MCF2L2: variants seen among roughly 807,000 people sequenced by gnomAD.
MCF2L2 encodes probable guanine nucleotide exchange factor MCF2L2.
MCF2L2 carries 102 observed loss-of-function variants against 150.2 expected under a neutral mutation model. That is an observed-to-expected ratio of 0.68 (90% CI 0.58 to 0.80). The LOEUF (loss-of-function observed/expected upper bound fraction) is 0.80. MCF2L2 is among the 30% of genes least tolerant of loss of function. The pLI, the probability that MCF2L2 is intolerant of heterozygous loss-of-function variation, is 0.00. For synonymous variants in MCF2L2, 465 were observed against 491.3 expected (o/e 0.95, Z 0.71); for missense variants, 1,256 against 1,372.8 (o/e 0.91, Z 1.34).
chr3:183,294,595 GTGTA>G (rs1728365329), intron 13 of MCF2L2, among the ~76,000 whole-genome samples: 1 of 144,414 alleles, frequency 6.9e-6, no homozygotes, highest in Admixed American at 7.1e-5. Context: ...ATACATATAT[GTGTA>G]TGTGTGTGTG....
At chr3:183,304,359 C>A (rs1171309622) in intron 10 of MCF2L2, among the ~76,000 whole-genome samples, 2 of 151,930 alleles carry the variant, frequency 1.3e-5, no homozygotes, top group Non-Finnish European at 1.5e-5. Context: ...GTTAAAAGGA[C>A]TGAGGCAAAA....
Position 183,251,490 on chromosome 3 carries a change from T to G in MCF2L2, c.1863-20473A>C, listed in dbSNP as rs562402905. Among the ~76,000 whole-genome samples, 3 of 152,294 alleles carry G rather than the reference T, an allele frequency of 2.0e-5. No homozygotes were observed. The South Asian group carries it at 6.2e-4, about 32-fold the overall frequency. On this transcript the variant is annotated intron_variant, in intron 15 of 29. Coordinates refer to ENST00000328913, the MANE Select transcript of MCF2L2 (RefSeq NM_015078.4). Reference sequence around the variant, plus strand: ...GCTCTTTCTGTGCCTTATCTATCCCTGCCGAGTCTAACATGCAGATTTTGG... The same window carrying G: ...GCTCTTTCTGTGCCTTATCTATCCCGGCCGAGTCTAACATGCAGATTTTGG...
At chr3:183,258,824 A>C (rs1725320399) in intron 15 of MCF2L2, among the ~76,000 whole-genome samples, 1 of 152,172 alleles carries the variant, frequency 6.6e-6, no homozygotes, top group Admixed American at 6.5e-5. Flanking sequence ...CTCCTGAGTC[A>C]AATGATCCTC....
intron 2 of MCF2L2, among the ~76,000 whole-genome samples, chr3:183,388,860 G>A (rs1034071105): frequency 5.9e-5 from 9 of 152,122 alleles, no homozygotes; most frequent in African/African-American, 1.2e-4. Flanking sequence ...AGAAAGAGAT[G>A]TGACTTTTTT....
intron 5 of MCF2L2, among the ~76,000 whole-genome samples, chr3:183,336,634 G>C (rs957134162): frequency 4.0e-5 from 6 of 151,540 alleles, no homozygotes; most frequent in Non-Finnish European, 8.8e-5. Flanking sequence ...GATCACCTGA[G>C]GTCAGGAGTT....
At chr3:183,334,976 G>A (rs926007655) in intron 5 of MCF2L2, among the ~76,000 whole-genome samples, 10 of 151,866 alleles carry the variant, frequency 6.6e-5, no homozygotes, top group African/African-American at 1.4e-4. Context: ...ATGGTGCAGC[G>A]TGCTGGTGGT....
intron 3 of MCF2L2, among the ~76,000 whole-genome samples, chr3:183,342,106 G>C (rs958111516): frequency 1.3e-5 from 2 of 152,300 alleles, no homozygotes. Context: ...GCAACCCCCT[G>C]GCAGTGCCTG....
In MCF2L2 at chr3:183,338,793, T is replaced by C; in HGVS notation, c.486+7A>G. 6.3e-7 allele frequency: 1 copy of C among 1,595,266 alleles called. No individual in the cohort carries two copies. The highest frequency in any genetic ancestry group is 8.6e-7 in the Non-Finnish European group (1 of 1,167,250). On this transcript the variant is annotated splice_region_variant and intron_variant, in intron 5 of 29. Coordinates refer to ENST00000328913, the MANE Select transcript of MCF2L2 (RefSeq NM_015078.4). The stretch of plus-strand genomic sequence containing the variant: ...CCAAATGAGACAAGATGAAAGGTCT[T>C]GCTTACCGGCACTTTCGTTTTAAAC...
chr3:183,382,248 G>A (rs1424584009), intron 2 of MCF2L2, among the ~76,000 whole-genome samples: 2 of 151,908 alleles, frequency 1.3e-5, no homozygotes, highest in African/African-American at 2.4e-5. Flanking sequence ...TAGTAGAGAC[G>A]GGGTTTCACC....
At chr3:183,215,777 A>C (rs1455208657) in intron 22 of MCF2L2, among the ~76,000 whole-genome samples, 192 bp downstream of exon 22, 1 of 152,220 alleles carries the variant, frequency 6.6e-6, no homozygotes, top group Non-Finnish European at 1.5e-5. Context: ...AATAAATCCA[A>C]GATTCCTGAA....
At chr3:183,417,115 C>CAAAAAAAAA (rs74989072) in intron 1 of MCF2L2, among the ~76,000 whole-genome samples, 3 of 44,242 alleles carry the variant, frequency 6.8e-5, no homozygotes, top group African/African-American at 2.2e-4. Context: ...GACTCTGTCT[C>CAAAAAAAAA]AAAAAAAAAA....
intron 1 of MCF2L2, among the ~76,000 whole-genome samples, chr3:183,422,871 T>C (rs867116392): frequency 2.7e-4 from 41 of 152,214 alleles, no homozygotes; most frequent in African/African-American, 9.2e-4. Context: ...CACTGAGGAA[T>C]GGATCCCTGG....
At chr3:183,202,888 C>T (rs966363152) in intron 25 of MCF2L2, among the ~76,000 whole-genome samples, 1 of 152,014 alleles carries the variant, frequency 6.6e-6, no homozygotes. Flanking sequence ...AGTCCATACC[C>T]AGGGAAAAAG....
At position 183,239,275 on chromosome 3, in the gene MCF2L2, G is replaced by A. The variant is rs186798217; in HGVS notation, c.1863-8258C>T. Among the ~76,000 whole-genome samples, 11 of 152,094 alleles carry A rather than the reference G, an allele frequency of 7.2e-5. No homozygotes were observed. The East Asian group carries it at 2.1e-3, about 29-fold the overall frequency. Reference sequence around the variant, plus strand: ...CTTTGCTTTACGTTTCAAAACAGACGCCGCCCTTAGCTCATTAAAGGGGAA... The same window carrying A: ...CTTTGCTTTACGTTTCAAAACAGACACCGCCCTTAGCTCATTAAAGGGGAA... On this transcript the variant is annotated intron_variant, in intron 15 of 29. Transcript: ENST00000328913.
intron 1 of MCF2L2, among the ~76,000 whole-genome samples, chr3:183,416,468 A>G (rs2108628055): frequency 6.6e-6 from 1 of 152,228 alleles, no homozygotes; most frequent in South Asian, 2.1e-4. Flanking sequence ...TATACCCAAC[A>G]GTACATTATA....
Position 183,412,479 on chromosome 3 carries a change from A to G in MCF2L2, c.76+15423T>C, listed in dbSNP as rs1374989769. Among the ~76,000 whole-genome samples, 3 of 152,012 alleles carry G rather than the reference A, an allele frequency of 2.0e-5. No homozygotes were observed. The East Asian group carries it at 5.8e-4, about 29-fold the overall frequency. On this transcript the variant is annotated intron_variant, in intron 1 of 29. Transcript: ENST00000328913. Reference sequence around the variant, plus strand: ...ACACCCAGCTGATTTTTGTATTTTTAGTAGAGGCGGGGTTTCACCATGTTG... The same window carrying G: ...ACACCCAGCTGATTTTTGTATTTTTGGTAGAGGCGGGGTTTCACCATGTTG...
Position 183,310,901 on chromosome 3 carries a change from C to T in MCF2L2, c.993+14G>A, listed in dbSNP as rs766598199. On this transcript the variant is annotated intron_variant, in intron 9 of 29. Coordinates refer to ENST00000328913, the MANE Select transcript of MCF2L2 (RefSeq NM_015078.4). The stretch of plus-strand genomic sequence containing the variant: ...TACCAGAAAAGAAAGTTACAGTAAA[C>T]AAGAAAAGAATACCTTACAAAAATC... 2 of 1,582,998 alleles carry T rather than the reference C, an allele frequency of 1.3e-6. No individual in the cohort carries two copies. The highest frequency in any genetic ancestry group is 2.7e-5 in the African/African-American group (2 of 74,074).
At position 183,289,219 on chromosome 3, in the gene MCF2L2, G is replaced by T; in HGVS notation, c.1677C>A (p.Val559=). ...SSKTSQPSTS[V]PLARPLRTSE... ...ACGTTCTCAGAGGACGAGCTAGAGG[G>T]ACTAAGAGAACCTGCCATTAGTGTG... The change falls in exon 14 of 30, where the codon GTC becomes GTA. Residue 559 remains valine (V), a splice_region_variant and synonymous_variant. Coordinates refer to ENST00000328913, the MANE Select transcript of MCF2L2 (RefSeq NM_015078.4). 1 of 1,604,264 alleles carries T rather than the reference G, an allele frequency of 6.2e-7. No individual in the cohort carries two copies.
chr3:183,179,093 A>C lies in MCF2L2; in HGVS notation c.*287T>G. 1 of 350,674 alleles carries C rather than the reference A, an allele frequency of 2.9e-6. No individual in the cohort carries two copies. Among genetic ancestry groups the C allele is most frequent in the East Asian group, 4.3e-5 (1 of 23,028 alleles). 21.7% of individuals were successfully genotyped at this position (350,674 alleles called of 1,614,324 possible). The stretch of plus-strand genomic sequence containing the variant: ...CACAGAGAAGCCCACGCAGCAAAGA[A>C]TTGCCCGGCTCCGAATATCGAAGTG... On this transcript the variant is annotated 3_prime_UTR_variant, in exon 30 of 30. Coordinates refer to ENST00000328913, the MANE Select transcript of MCF2L2 (RefSeq NM_015078.4). The surrounding 1 kb of genome is among the most constrained non-coding windows in gnomAD (Gnocchi z 4.2).
Sources: gnomAD v4.1 joint callset for allele counts (sites outside exome capture counted in the v4.1 genomes callset) on GRCh38, gnomAD v4.1.1 for gene constraint, Gnocchi (gnomAD v3.1) non-coding constraint, MANE v1.5 for transcripts, NCBI Gene and HGNC (gene_info 2026-07-23, HGNC 2026-07-21) for gene names.